Variants in GPM6A observed in about 807,000 individuals in gnomAD.
GPM6A encodes neuronal membrane glycoprotein M6-a.
A neutral mutation model predicts 32.1 loss-of-function variants in GPM6A; 7 were observed. The ratio of observed to expected loss-of-function variants is 0.22; its 90% CI spans 0.12 to 0.41. GPM6A has a LOEUF of 0.41. Among genes scored for constraint, GPM6A ranks in the 10% least tolerant of loss-of-function variants. The probability of loss-of-function intolerance (pLI) is 1.00; values close to 1 mark genes in which losing one functional copy is unlikely to be tolerated. For missense variants in GPM6A, 235 were observed against 347.2 expected, an observed-to-expected ratio of 0.68 and a Z score of 2.57; for synonymous variants, 130 against 123.4, an observed-to-expected ratio of 1.05 and a Z score of -0.35.
At chr4:175,927,039 T>G (rs1260975771) in intron 1 of GPM6A, among the ~76,000 whole-genome samples, 1 of 152,212 alleles carries the variant, frequency 6.6e-6, no homozygotes, top group Non-Finnish European at 1.5e-5. Flanking sequence ...TCTAATTTGG[T>G]TTTTGTTATT....
intron 1 of GPM6A, among the ~76,000 whole-genome samples, chr4:175,808,183 T>G (rs2291759): frequency 0.019 from 2,818 of 152,216 alleles, 59 homozygotes; most frequent in East Asian, 0.073. Flanking sequence ...AAAAATAATC[T>G]TACACACACA....
In GPM6A at chr4:175,643,800, C is replaced by A. The variant is rs140253987; in HGVS notation, c.542-2971G>T. Among the ~76,000 whole-genome samples, 5 of 152,280 alleles carry A rather than the reference C, an allele frequency of 3.3e-5. No individual in the cohort carries two copies. In the East Asian group the frequency reaches 9.7e-4, roughly 29 times the overall value. On this transcript the variant is annotated intron_variant, in intron 4 of 6. Transcript: ENST00000393658. Reference sequence around the variant, plus strand: ...AACTCAGGAGTTGCAGAAGCGGGCTCAAGCCTGCACACTAAGAGGCAAAAT... The same window carrying A: ...AACTCAGGAGTTGCAGAAGCGGGCTAAAGCCTGCACACTAAGAGGCAAAAT...
intron 1 of GPM6A, among the ~76,000 whole-genome samples, chr4:175,896,199 CA>C (rs2111483576): frequency 6.6e-6 from 1 of 152,200 alleles, no homozygotes; most frequent in South Asian, 2.1e-4. Flanking sequence ...GATGAAGTCT[CA>C]GGGGGTTTTG....
chr4:175,755,476 CAAT>C (rs1277669532), intron 1 of GPM6A, among the ~76,000 whole-genome samples: 1 of 151,948 alleles, frequency 6.6e-6, no homozygotes, highest in Non-Finnish European at 1.5e-5. Flanking sequence ...ATCATGCAAT[CAAT>C]AATAATATTT....
At chr4:175,774,402 A>G (rs1292276848) in intron 1 of GPM6A, among the ~76,000 whole-genome samples, 1 of 152,090 alleles carries the variant, frequency 6.6e-6, no homozygotes. Context: ...TCCTTCAAAT[A>G]CTGTAAGTCA....
chr4:175,777,669 A>T (rs1465887106), intron 1 of GPM6A, among the ~76,000 whole-genome samples: 1 of 152,072 alleles, frequency 6.6e-6, no homozygotes, highest in Non-Finnish European at 1.5e-5. Context: ...AAACACACCA[A>T]ATCCTAAACA....
intron 1 of GPM6A, among the ~76,000 whole-genome samples, chr4:175,770,809 C>T (rs1287976287): frequency 6.6e-6 from 1 of 152,012 alleles, no homozygotes; most frequent in African/African-American, 2.4e-5. Flanking sequence ...TCGATGGTAC[C>T]TGTGTGGACT....
rs1038464111 is a variant in GPM6A, at chr4:175,647,824, A to G, written c.541+4010T>C. On this transcript the variant is annotated intron_variant, in intron 4 of 6. Transcript: ENST00000393658. The stretch of plus-strand genomic sequence containing the variant: ...TGCTTCTTGATAATAATGTGGTTAT[A>G]TACATACATTCAGGAGTCTTATCAG... Among the ~76,000 whole-genome samples the G allele has an allele frequency of 2.0e-5, 3 of 152,304 alleles. No homozygotes were observed. In the South Asian group the frequency reaches 6.2e-4, roughly 32 times the overall value.
intron 1 of GPM6A, among the ~76,000 whole-genome samples, chr4:175,762,749 C>T (rs566163721): frequency 2.6e-5 from 4 of 152,238 alleles, no homozygotes; most frequent in African/African-American, 9.6e-5. Flanking sequence ...TCTCAAGGGC[C>T]AGTGCAGATG....
At chr4:175,932,623 T>G (rs1223454019) in intron 1 of GPM6A, among the ~76,000 whole-genome samples, 1 of 152,066 alleles carries the variant, frequency 6.6e-6, no homozygotes, top group Non-Finnish European at 1.5e-5. Context: ...AAAACAAAAA[T>G]AATAGCAAAA....
intron 1 of GPM6A, among the ~76,000 whole-genome samples, chr4:175,809,420 G>A (rs1240663750): frequency 6.6e-6 from 1 of 150,452 alleles, no homozygotes; most frequent in Non-Finnish European, 1.5e-5. Context: ...CATTGTTTTG[G>A]CTGCACACAA....
At chr4:175,681,532 A>G (rs538740019) in intron 2 of GPM6A, among the ~76,000 whole-genome samples, 1 of 152,236 alleles carries the variant, frequency 6.6e-6, no homozygotes, top group Non-Finnish European at 1.5e-5. Context: ...TCCTTGCCTA[A>G]ACTTCATGTT....
intron 1 of GPM6A, among the ~76,000 whole-genome samples, chr4:175,931,976 T>C (rs1422766130): frequency 6.6e-6 from 1 of 151,582 alleles, no homozygotes; most frequent in African/African-American, 2.4e-5. Context: ...CCTGTAGTCC[T>C]AGCTACTTTG....
At chr4:175,849,714 G>A (rs1258926979) in intron 1 of GPM6A, among the ~76,000 whole-genome samples, 1 of 151,994 alleles carries the variant, frequency 6.6e-6, no homozygotes, top group Non-Finnish European at 1.5e-5. Context: ...TTATTGTGTT[G>A]AAGCTGCTTC....
intron 4 of GPM6A, among the ~76,000 whole-genome samples, chr4:175,644,296 G>A (rs1741329911): frequency 6.6e-6 from 1 of 151,710 alleles, no homozygotes; most frequent in Non-Finnish European, 1.5e-5. Context: ...ACTTGCCCCG[G>A]TATCTTACTC....
At chr4:175,998,487 T>C (rs552554251) in intron 1 of GPM6A, among the ~76,000 whole-genome samples, 72 of 152,340 alleles carry the variant, frequency 4.7e-4, no homozygotes, top group South Asian at 3.3e-3. Context: ...ATTTCAAATA[T>C]GAAATTAATT....
At chr4:175,652,389 C>T (rs1190084754) in intron 3 of GPM6A, among the ~76,000 whole-genome samples, 1 of 152,052 alleles carries the variant, frequency 6.6e-6, no homozygotes, top group Non-Finnish European at 1.5e-5. Context: ...TTCCATAGGA[C>T]TAAACTGTCA....
At chr4:175,883,813 C>T (rs925728895) in intron 1 of GPM6A, among the ~76,000 whole-genome samples, 1 of 152,126 alleles carries the variant, frequency 6.6e-6, no homozygotes, top group Non-Finnish European at 1.5e-5. Context: ...ACATTAAATT[C>T]ACTAAGGTAT....
chr4:175,922,576 T>C (rs972281275), intron 1 of GPM6A, among the ~76,000 whole-genome samples: 2 of 152,186 alleles, frequency 1.3e-5, no homozygotes, highest in Non-Finnish European at 2.9e-5. Context: ...AAATCTGATA[T>C]TGGAGAAATG....
Sources: gnomAD v4.1 joint callset for allele counts (sites outside exome capture counted in the v4.1 genomes callset) on GRCh38, gnomAD v4.1.1 for gene constraint, MANE v1.5 for transcripts, NCBI Gene and HGNC (gene_info 2026-07-23, HGNC 2026-07-21) for gene names.